CNTN5: variants seen among roughly 807,000 people sequenced by gnomAD.
The protein encoded by CNTN5 is contactin-5.
CNTN5 carries 77 observed loss-of-function variants against 129.1 expected under a neutral mutation model. The observed-to-expected ratio is 0.60, with a 90% CI of 0.50 to 0.72. The LOEUF (loss-of-function observed/expected upper bound fraction) is 0.72, where lower values mean the gene tolerates loss of function less well. Ranked by LOEUF, CNTN5 falls within the 30% of genes least tolerant of loss-of-function variation. The pLI is 0.00. For missense variants in CNTN5, 1,478 were observed against 1,328.8 expected (o/e 1.11, Z -1.75); for synonymous variants, 509 against 465.6 (o/e 1.09, Z -1.20).
intron 2 of CNTN5, among the ~76,000 whole-genome samples, chr11:99,458,437 T>A (rs1459449025): frequency 2.0e-5 from 3 of 151,878 alleles, no homozygotes; most frequent in Non-Finnish European, 2.9e-5. Context: ...AGACTCAAGA[T>A]GTTGAGAGGT....
At chr11:99,315,199 A>G (rs1416073323) in intron 1 of CNTN5, among the ~76,000 whole-genome samples, 1 of 149,142 alleles carries the variant, frequency 6.7e-6, no homozygotes, top group Admixed American at 6.7e-5. Flanking sequence ...TTCACTGAGC[A>G]TAAGTAGTTC....
chr11:100,305,149 G>A (rs1240726239), intron 20 of CNTN5, among the ~76,000 whole-genome samples: 1 of 151,540 alleles, frequency 6.6e-6, no homozygotes. Context: ...ACAGAGGAAA[G>A]AGCATTTGAG....
At chr11:99,252,578 C>G (rs967985867) in intron 1 of CNTN5, among the ~76,000 whole-genome samples, 1 of 151,602 alleles carries the variant, frequency 6.6e-6, no homozygotes, top group Admixed American at 6.6e-5. Flanking sequence ...TAAACATCCC[C>G]CTAGACCTAT....
rs139214543 is a variant in CNTN5, at chr11:99,540,696, G to A, written c.-70-15449G>A. ...GAAGAGCATCTTAAGTTTGGAAAGG[G>A]GCAAATGATACTCAACTGCTAAAGC... On this transcript the variant is annotated intron_variant, in intron 2 of 24. Coordinates refer to ENST00000524871, the MANE Select transcript of CNTN5 (RefSeq NM_014361.4). 2.4e-3 allele frequency among the ~76,000 whole-genome samples: 361 copies of A among 152,108 alleles called. 4 individuals are homozygous for A. Among genetic ancestry groups the A allele is most frequent in the African/African-American group, 8.2e-3 (339 of 41,562 alleles).
intron 9 of CNTN5, among the ~76,000 whole-genome samples, chr11:100,009,303 G>A (rs1453854197): frequency 6.6e-6 from 1 of 152,080 alleles, no homozygotes; most frequent in Non-Finnish European, 1.5e-5. Flanking sequence ...ATTGCACAAG[G>A]TTGAGTACAG....
chr11:100,120,651 T>C (rs1945986988), intron 13 of CNTN5, among the ~76,000 whole-genome samples: 1 of 151,902 alleles, frequency 6.6e-6, no homozygotes, highest in Admixed American at 6.6e-5. Flanking sequence ...ACAAGGTTTA[T>C]TTTCAAATAT....
intron 1 of CNTN5, among the ~76,000 whole-genome samples, chr11:99,128,465 G>A (rs1591241835): frequency 1.4e-5 from 2 of 145,770 alleles, no homozygotes; most frequent in East Asian, 4.8e-4. Context: ...TTCCAGCCAG[G>A]CCTTTACAGA....
chr11:99,466,345 C>A (rs1393708402), intron 2 of CNTN5, among the ~76,000 whole-genome samples: 1 of 152,168 alleles, frequency 6.6e-6, no homozygotes, highest in Non-Finnish European at 1.5e-5. Context: ...GGACACAAAT[C>A]CAAACCATAT....
At chr11:99,980,633 TA>T (rs1938273733) in intron 8 of CNTN5, among the ~76,000 whole-genome samples, 1 of 152,204 alleles carries the variant, frequency 6.6e-6, no homozygotes, top group Non-Finnish European at 1.5e-5. Flanking sequence ...GTCCATTAAA[TA>T]GCAGTTCCCA....
chr11:99,380,076 T>C (rs1038014062), intron 2 of CNTN5, among the ~76,000 whole-genome samples: 2 of 114,492 alleles, frequency 1.7e-5, no homozygotes, highest in Admixed American at 8.3e-5. Flanking sequence ...CTCATAATGG[T>C]GTGTCTGTGT....
At chr11:100,349,949 C>T (rs1385780478) in intron 23 of CNTN5, among the ~76,000 whole-genome samples, 3 of 151,664 alleles carry the variant, frequency 2.0e-5, no homozygotes, top group Non-Finnish European at 4.4e-5. Flanking sequence ...AATATGTAAA[C>T]CCAGGATTAT....
At chr11:100,011,919 G>A (rs1199754773) in intron 9 of CNTN5, among the ~76,000 whole-genome samples, 1 of 152,068 alleles carries the variant, frequency 6.6e-6, no homozygotes, top group Non-Finnish European at 1.5e-5. Flanking sequence ...TGTGCAACTG[G>A]CAAACGTTCC....
intron 3 of CNTN5, among the ~76,000 whole-genome samples, chr11:99,580,352 G>T (rs1227728478): frequency 6.6e-6 from 1 of 152,166 alleles, no homozygotes. Flanking sequence ...CATAAAATGA[G>T]TTAGGGAGGA....
intron 1 of CNTN5, among the ~76,000 whole-genome samples, chr11:99,209,387 G>A (rs1859650001): frequency 6.6e-6 from 1 of 152,128 alleles, no homozygotes; most frequent in Non-Finnish European, 1.5e-5. Flanking sequence ...ATGGTGGAAG[G>A]CAAAGGGGGA....
intron 13 of CNTN5, among the ~76,000 whole-genome samples, chr11:100,162,779 T>C (rs938054606): frequency 7.2e-5 from 11 of 151,862 alleles, no homozygotes; most frequent in South Asian, 4.1e-4. Flanking sequence ...TTCATATTAA[T>C]AGTAATGAGA....
At chr11:99,287,029 A>C (rs2135907592) in intron 1 of CNTN5, among the ~76,000 whole-genome samples, 1 of 152,258 alleles carries the variant, frequency 6.6e-6, no homozygotes, top group African/African-American at 2.4e-5. Context: ...TTGTGTATGC[A>C]TTGCCTGGAA....
At chr11:99,476,231 T>G (rs1222837994) in intron 2 of CNTN5, among the ~76,000 whole-genome samples, 2 of 152,076 alleles carry the variant, frequency 1.3e-5, no homozygotes, top group Non-Finnish European at 2.9e-5. Context: ...AATTATCACT[T>G]GAGGCTAAAA....
chr11:99,588,415 A>G (rs1949876400), intron 3 of CNTN5, among the ~76,000 whole-genome samples: 4 of 151,758 alleles, frequency 2.6e-5, no homozygotes, highest in African/African-American at 9.7e-5. Context: ...TGTAGAAGTC[A>G]AGGCAAAGGT....
chr11:99,680,169 CATCT>C (rs145169595), intron 3 of CNTN5, among the ~76,000 whole-genome samples: 6,028 of 152,176 alleles, frequency 0.04, 162 homozygotes, highest in South Asian at 0.086. Flanking sequence ...TTATCTGGGA[CATCT>C]ATCTAAGATC....
Sources: gnomAD v4.1 joint callset for allele counts (sites outside exome capture counted in the v4.1 genomes callset) on GRCh38, gnomAD v4.1.1 for gene constraint, MANE v1.5 for transcripts, NCBI Gene and HGNC (gene_info 2026-07-23, HGNC 2026-07-21) for gene names.